Variants in CHRNB2 observed in about 807,000 individuals in gnomAD.
The protein encoded by CHRNB2 is neuronal acetylcholine receptor subunit beta-2.
CHRNB2 carries 33 observed loss-of-function variants against 42.7 expected under a neutral mutation model. That is an observed-to-expected ratio of 0.77 (90% CI 0.59 to 1.03). CHRNB2 has a LOEUF of 1.03. Ranked by LOEUF, CHRNB2 falls within the 50% of genes least tolerant of loss-of-function variation. CHRNB2 has a pLI of 0.00. For synonymous variants in CHRNB2, 325 were observed against 292.9 expected (o/e 1.11, Z -1.12); for missense variants, 603 against 700.9 (o/e 0.86, Z 1.58).
chr1:154,570,771 G>C (rs571119394), intron 4 of CHRNB2, among the ~76,000 whole-genome samples: 3 of 152,216 alleles, frequency 2.0e-5, no homozygotes, highest in East Asian at 3.9e-4. Flanking sequence ...AGGGTACAAA[G>C]CCACCTTCCT....
chr1:154,571,678 G>A lies in CHRNB2; in HGVS notation c.855G>A (p.Lys285=). The part of the protein sequence containing the change: ...ALTVFLLLIS[K]IVPPTSLDVP... ...CGGTCTTCCTGCTGCTCATCTCCAA[G>A]ATCGTGCCTCCCACCTCCCTCGACG... is the stretch of plus-strand genomic sequence containing the variant. The change falls in exon 5 of 6, where the codon AAG becomes AAA. Residue 285 remains lysine (K), a synonymous_variant. Coordinates refer to ENST00000368476, the MANE Select transcript of CHRNB2 (RefSeq NM_000748.3). The surrounding 1 kb of genome is among the most constrained non-coding windows in gnomAD (Gnocchi z 6.8). The A allele has an allele frequency of 6.2e-7, 1 of 1,614,020 alleles. No homozygotes were observed. The highest frequency in any genetic ancestry group is 8.5e-7 in the Non-Finnish European group (1 of 1,179,948).
chr1:154,569,403 G>A (rs1696119756), intron 1 of CHRNB2, 59 bp from the exon 2 acceptor site: 3 of 1,604,982 alleles, frequency 1.9e-6, no homozygotes, highest in Non-Finnish European at 2.6e-6. Flanking sequence ...TGGGGAGGGT[G>A]GGATGCTGGG....
intron 5 of CHRNB2, 107 bp from the exon 6 acceptor site, chr1:154,575,655 T>A: frequency 8.9e-7 from 1 of 1,122,174 alleles, no homozygotes; most frequent in Non-Finnish European, 1.3e-6. Flanking sequence ...CTGGGATCAC[T>A]GCAGGAGAGG....
intron 1 of CHRNB2, among the ~76,000 whole-genome samples, chr1:154,569,125 A>G (rs1696114808): frequency 6.6e-6 from 1 of 151,826 alleles, no homozygotes; most frequent in South Asian, 2.1e-4. Context: ...AGTCATAGGT[A>G]TTTGCTGGGG....
At position 154,573,376 on chromosome 1, in the gene CHRNB2, G is replaced by T. The variant is rs1571024328; in HGVS notation, c.1338+1215G>T. Among the ~76,000 whole-genome samples, 3 of 152,268 alleles carry T rather than the reference G, an allele frequency of 2.0e-5. No individual in the cohort carries two copies. In the South Asian group the frequency reaches 6.2e-4, roughly 32 times the overall value. ...TCAACATGCTCAAAACTGAGTATTT[G>T]GTCTACATCCTAACCACCAACTTGC... On this transcript the variant is annotated intron_variant, in intron 5 of 5. Coordinates refer to ENST00000368476, the MANE Select transcript of CHRNB2 (RefSeq NM_000748.3).
rs1317761969 is a variant in CHRNB2, at chr1:154,575,914, A to G, written c.1491A>G (p.Ser497=). ...TTTTFLHSDH[S]APSSK ...CCACCTTCCTCCACTCAGACCACTC[A>G]GCCCCCAGCTCCAAGTGAGGCCCTT... The change falls in exon 6 of 6, where the codon TCA becomes TCG. Residue 497 remains serine, a synonymous_variant. Coordinates refer to ENST00000368476, the MANE Select transcript of CHRNB2 (RefSeq NM_000748.3). 6.2e-6 allele frequency: 10 copies of G among 1,614,136 alleles called. No homozygotes were observed. The highest frequency in any genetic ancestry group is 7.6e-6 in the Non-Finnish European group (9 of 1,180,024).
chr1:154,571,782 A>G lies in CHRNB2; in HGVS notation c.959A>G (p.Asn320Ser), dbSNP rs1571022511. ...FSIVTSVCVL[N>S]VHHRSPTTHT... ...ATCGTCACCAGCGTGTGCGTGCTCA[A>G]CGTGCACCACCGCTCGCCCACCACG... Residue 320 changes from asparagine (N) to serine (S), a missense_variant, in exon 5 of 6, where the codon AAC becomes AGC. By Grantham distance (46) the Asn-to-Ser change is conservative (BLOSUM62 1). Transcript: ENST00000368476. This position sits in a 1 kb window ranked among gnomAD's most constrained non-coding sequence, Gnocchi z 6.8. 3 of 1,614,102 alleles carry G rather than the reference A, an allele frequency of 1.9e-6. No homozygotes were observed. Among genetic ancestry groups the G allele is most frequent in the East Asian group, 2.2e-5 (1 of 44,870 alleles).
Position 154,569,589 on chromosome 1 carries a change from G to A in CHRNB2, c.192G>A (p.Leu64=). The A allele has an allele frequency of 6.2e-7, 1 of 1,614,096 alleles. No homozygotes were observed. Among genetic ancestry groups the A allele is most frequent in the Non-Finnish European group, 8.5e-7 (1 of 1,180,004 alleles). Residue 64 remains leucine (L), a synonymous_variant, in exon 2 of 6, where the codon CTG becomes CTA. Transcript: ENST00000368476. ...TGACAGTACAGCTTATGGTGTCACT[G>A]GCCCAGCTCATCAGTGTGGTGAGTA... ...ELVTVQLMVS[L]AQLISVHERE...
Position 154,576,438 on chromosome 1 carries a change from C to T in CHRNB2, c.*506C>T. On this transcript the variant is annotated 3_prime_UTR_variant, in exon 6 of 6. Transcript: ENST00000368476. ...CACCTGCCGCTGCTTGAGTGGACAG[C>T]AGCTGGACTGGGTGGGCCCCACAGT... is the stretch of plus-strand genomic sequence containing the variant. 4.1e-6 allele frequency: 1 copy of T among 246,288 alleles called. No individual in the cohort carries two copies. Among genetic ancestry groups the T allele is most frequent in the Non-Finnish European group, 8.1e-6 (1 of 123,484 alleles). 15.3% of individuals were successfully genotyped at this position (246,288 alleles called of 1,614,324 possible).
chr1:154,569,330 C>A, intron 1 of CHRNB2, 132 bp from the exon 2 acceptor site: 1 of 1,086,910 alleles, frequency 9.2e-7, no homozygotes, highest in Non-Finnish European at 1.4e-6. Context: ...TTAATCTAAG[C>A]ATTTTGCAGT....
At position 154,575,816 on chromosome 1, in the gene CHRNB2, A is replaced by G. The variant is rs1696261779; in HGVS notation, c.1393A>G (p.Ile465Val). Residue 465 changes from isoleucine (I) to valine (V), a missense_variant, in exon 6 of 6, where the codon ATC becomes GTC. Around this residue, in one of 2 missense-constraint regions of CHRNB2, gnomAD observed 270 missense variants for 248.3 expected, o/e 1.09. Transcript: ENST00000368476. Reference protein sequence around the residue: ...AMVIDRLFLWIFVFVCVFGTI... With the variant: ...AMVIDRLFLWVFVFVCVFGTI... ...GGTGATCGACCGCCTCTTCCTCTGG[A>G]TCTTTGTCTTTGTCTGTGTCTTTGG... 1.2e-6 allele frequency: 2 copies of G among 1,613,720 alleles called. No individual in the cohort carries two copies. Among genetic ancestry groups the G allele is most frequent in the South Asian group, 2.2e-5 (2 of 91,074 alleles).
In CHRNB2 at chr1:154,570,338, C is replaced by G; in HGVS notation, c.336C>G (p.Ile112Met). The change falls in exon 4 of 6, where the codon ATC becomes ATG. Residue 112 changes from isoleucine (I) to methionine (M), a missense_variant. By Grantham distance (10) the Ile-to-Met change is conservative. Coordinates refer to ENST00000368476, the MANE Select transcript of CHRNB2 (RefSeq NM_000748.3). ...AAGTTCGGCTCCCTTCCAAACACAT[C>G]TGGCTCCCAGATGTGGTCCTGTACA... ...MKKVRLPSKH[I>M]WLPDVVLYNN... 1 of 1,611,684 alleles carries G rather than the reference C, an allele frequency of 6.2e-7. No homozygotes were observed. The highest frequency in any genetic ancestry group is 8.5e-7 in the Non-Finnish European group (1 of 1,178,650).
Position 154,571,564 on chromosome 1 carries a change from C to T in CHRNB2, c.741C>T (p.Leu247=). 1 of 1,614,188 alleles carries T rather than the reference C, an allele frequency of 6.2e-7. No homozygotes were observed. The highest frequency in any genetic ancestry group is 8.5e-7 in the Non-Finnish European group (1 of 1,180,026). Residue 247 remains leucine (L), a synonymous_variant, in exon 5 of 6, where the codon CTC becomes CTT. Transcript: ENST00000368476. The surrounding 1 kb of genome is among the most constrained non-coding windows in gnomAD (Gnocchi z 6.8). ...TCAACCTCATCATCCCCTGTGTGCT[C>T]ATCACCTCGCTAGCCATCCTTGTCT... ...YTINLIIPCV[L]ITSLAILVFY...
intron 3 of CHRNB2, 144 bp downstream of exon 3, chr1:154,569,980 G>GC: frequency 2.2e-6 from 2 of 890,266 alleles, no homozygotes; most frequent in South Asian, 3.0e-5. Flanking sequence ...TTGAATCTTG[G>GC]CACTCACCAG....
Position 154,572,220 on chromosome 1 carries a change from A to G in CHRNB2, c.1338+59A>G, listed in dbSNP as rs1365226164. 6.5e-6 allele frequency: 10 copies of G among 1,532,424 alleles called. No homozygotes were observed. The East Asian group carries it at 1.2e-4, about 19-fold the overall frequency. The allele number at this position is 1,532,424 out of a possible 1,614,324, so 94.9% of individuals were successfully genotyped here. On this transcript the variant is annotated intron_variant, in intron 5 of 5. Coordinates refer to ENST00000368476, the MANE Select transcript of CHRNB2 (RefSeq NM_000748.3). ...ATATGGGGTCTGCCAGGGCCCGGGT[A>G]TCTGGAAAGCAGCGGCGTTCTATAG...
In CHRNB2 at chr1:154,577,153, C is replaced by G. The variant is rs1452885940; in HGVS notation, c.*1221C>G. ...GAAGCAGAACTTGGGAAGGACAGGG[C>G]TGCTGCTGCCAGCGACACCTCAGAA... On this transcript the variant is annotated 3_prime_UTR_variant, in exon 6 of 6. Transcript: ENST00000368476. The G allele has an allele frequency of 6.6e-6, 1 of 152,256 alleles. No homozygotes were observed. The highest frequency in any genetic ancestry group is 1.5e-5 in the Non-Finnish European group (1 of 68,072). 9.4% of individuals were successfully genotyped at this position (152,256 alleles called of 1,614,324 possible).
At position 154,569,801 on chromosome 1, in the gene CHRNB2, G is replaced by A. The variant is rs759744433; in HGVS notation, c.220G>A (p.Glu74Lys). 1 of 1,614,136 alleles carries A rather than the reference G, an allele frequency of 6.2e-7. No individual in the cohort carries two copies. The highest frequency in any genetic ancestry group is 8.5e-7 in the Non-Finnish European group (1 of 1,180,028). The change falls in exon 3 of 6, where the codon GAG (glutamate) becomes AAG (lysine). Residue 74 changes from glutamate (E) to lysine (K), a missense_variant. By Grantham distance (56) the Glu-to-Lys change is moderately conservative (BLOSUM62 1). Coordinates refer to ENST00000368476, the MANE Select transcript of CHRNB2 (RefSeq NM_000748.3). ...CTCTTCCTCCCTGCAGCATGAGCGG[G>A]AGCAGATCATGACCACCAATGTCTG... ...LAQLISVHER[E>K]QIMTTNVWLT... is the part of the protein sequence containing the mutation.
In CHRNB2 at chr1:154,575,647, G is replaced by A. The variant is rs763858219; in HGVS notation, c.1339-115G>A. The A allele has an allele frequency of 1.2e-5, 13 of 1,057,074 alleles. No homozygotes were observed. In the Admixed American group the frequency reaches 1.6e-4, roughly 13 times the overall value. The allele number at this position is 1,057,074 out of a possible 1,614,324, so 65.5% of individuals were successfully genotyped here. A position where few individuals can be genotyped will look rare whatever the true frequency, so the allele number is the denominator to read the frequency against. ...AGCCATGCTTTAACAAGATCATTCTGGGATCACTGCAGGAGAGGAGTGGGG... is the reference window on the plus strand; with the variant it reads ...AGCCATGCTTTAACAAGATCATTCTAGGATCACTGCAGGAGAGGAGTGGGG... On this transcript the variant is annotated intron_variant, in intron 5 of 5. Transcript: ENST00000368476.
At chr1:154,570,009 A>G (rs956254502) in intron 3 of CHRNB2, among the ~76,000 whole-genome samples, 173 bp downstream of exon 3, 1 of 152,214 alleles carries the variant, frequency 6.6e-6, no homozygotes, top group African/African-American at 2.4e-5. Flanking sequence ...CTTTAAACAT[A>G]TTAAACTCTC....
Sources: gnomAD v4.1 joint callset for allele counts (sites outside exome capture counted in the v4.1 genomes callset) on GRCh38, gnomAD v4.1.1 for gene constraint, gnomAD v4.1.1 regional missense constraint, Gnocchi (gnomAD v3.1) non-coding constraint, MANE v1.5 for transcripts, NCBI Gene and HGNC (gene_info 2026-07-23, HGNC 2026-07-21) for gene names.